RERG: variants seen among roughly 807,000 people sequenced by gnomAD.
The protein encoded by RERG is RAS like estrogen regulated growth inhibitor, also known as ras-related and estrogen-regulated growth inhibitor.
In RERG, 25 loss-of-function variants were observed where a neutral mutation model predicts 23.2. That is an observed-to-expected ratio of 1.08 (90% CI 0.79 to 1.50). The LOEUF (loss-of-function observed/expected upper bound fraction) is 1.50. Among genes scored for constraint, RERG ranks in the 40% most tolerant of loss-of-function variants. RERG has a pLI of 0.00. For missense variants in RERG, 253 were observed against 250.1 expected, an observed-to-expected ratio of 1.01 and a Z score of -0.08; for synonymous variants, 81 against 89.1, an observed-to-expected ratio of 0.91 and a Z score of 0.51.
rs34755371 is a variant in RERG at position 15,139,014 on chromosome 12, C to CTTTTT, written c.62-17900_62-17896dup. Reference sequence around the variant, plus strand: ...TGAAAGTTGTTCACCTGTGTCTAGACTTTTTTTTTTTTTTTTTTTTTTGCC... The same window carrying CTTTTT: ...TGAAAGTTGTTCACCTGTGTCTAGACTTTTTTTTTTTTTTTTTTTTTTTTTTTGCC... On this transcript the variant is annotated intron_variant, in intron 2 of 4. Coordinates refer to ENST00000256953, the MANE Select transcript of RERG (RefSeq NM_032918.3). Among the ~76,000 whole-genome samples the CTTTTT allele has an allele frequency of 1.4e-3, 73 of 51,114 alleles. 1 individual carries two copies. The highest frequency in any genetic ancestry group is 1.6e-3 in the African/African-American group (22 of 13,846). 33.5% of individuals were successfully genotyped at this position (51,114 alleles called of 152,430 possible). A position where few individuals can be genotyped will look rare whatever the true frequency, so the allele number is the denominator to read the frequency against.
At position 15,111,348 on chromosome 12, in the gene RERG, C is replaced by A; in HGVS notation, c.188G>T (p.Gly63Val). Residue 63 changes from glycine (G) to valine (V), a missense_variant, in exon 4 of 5, where the codon GGT becomes GTT. Physicochemically the swap from Gly to Val is moderately radical, Grantham distance 109 (BLOSUM62 -3). Transcript: ENST00000256953. ...VVSMEILDTA[G>V]QEDTIQREGH... ...TTAGCTGAACTCTTTATTCACCTGA[C>A]CAGCAGTGTCTAGTATCTCCATGGA... 1 of 1,608,418 alleles carries A rather than the reference C, an allele frequency of 6.2e-7. No individual in the cohort carries two copies. Among genetic ancestry groups the A allele is most frequent in the Non-Finnish European group, 8.5e-7 (1 of 1,175,612 alleles).
chr12:15,121,661 G>A (rs1863834553), intron 2 of RERG, among the ~76,000 whole-genome samples: 1 of 152,188 alleles, frequency 6.6e-6, no homozygotes, highest in South Asian at 2.1e-4. Flanking sequence ...TCAGAGTCAG[G>A]TTCTGGAACG....
rs1329854565 is a variant in RERG, at chr12:15,181,568, T to G, written c.61+35861A>C. Among the ~76,000 whole-genome samples, 5 of 152,154 alleles carry G rather than the reference T, an allele frequency of 3.3e-5. No individual in the cohort carries two copies. The East Asian group carries it at 9.6e-4, about 29-fold the overall frequency. Reference sequence around the variant, plus strand: ...ATGCTTAACCTCCCTCTCCTCCATTTCTCCGTCTGTAAGTGGGGATAATGT... The same window carrying G: ...ATGCTTAACCTCCCTCTCCTCCATTGCTCCGTCTGTAAGTGGGGATAATGT... On this transcript the variant is annotated intron_variant, in intron 2 of 4. Coordinates refer to ENST00000256953, the MANE Select transcript of RERG (RefSeq NM_032918.3).
intron 2 of RERG, among the ~76,000 whole-genome samples, chr12:15,162,279 C>T (rs531895154): frequency 2.2e-3 from 328 of 152,288 alleles, no homozygotes; most frequent in African/African-American, 7.4e-3. Flanking sequence ...TGGCCAAGGA[C>T]TGCCTCCAGG....
chr12:15,207,027 C>A (rs1242565746), intron 2 of RERG, among the ~76,000 whole-genome samples: 1 of 152,122 alleles, frequency 6.6e-6, no homozygotes, highest in Non-Finnish European at 1.5e-5. Flanking sequence ...TTACTGACCA[C>A]AGAAGTAATG....
At chr12:15,186,024 T>C (rs1210320415) in intron 2 of RERG, among the ~76,000 whole-genome samples, 6 of 151,978 alleles carry the variant, frequency 3.9e-5, no homozygotes, top group African/African-American at 1.4e-4. Flanking sequence ...GACAATATTT[T>C]AGAAAAATAT....
chr12:15,111,253 G>C, intron 4 of RERG, 91 bp downstream of exon 4: 2 of 927,176 alleles, frequency 2.2e-6, no homozygotes, highest in Non-Finnish European at 3.4e-6. Context: ...GCAAAAGTTA[G>C]TTGAAGAAAA....
intron 2 of RERG, among the ~76,000 whole-genome samples, chr12:15,212,640 G>A (rs536667352): frequency 6.6e-6 from 1 of 152,218 alleles, no homozygotes; most frequent in African/African-American, 2.4e-5. Flanking sequence ...GGAAAAATTG[G>A]TATATAGCTA....
At chr12:15,219,701 T>C (rs931495117) in intron 1 of RERG, among the ~76,000 whole-genome samples, 5 of 152,234 alleles carry the variant, frequency 3.3e-5, no homozygotes, top group Non-Finnish European at 7.3e-5. Flanking sequence ...CTTTGAAACA[T>C]TGAACACGCA....
intron 3 of RERG, among the ~76,000 whole-genome samples, chr12:15,112,962 A>T (rs532809632): frequency 6.6e-6 from 1 of 152,336 alleles, no homozygotes; most frequent in Admixed American, 6.5e-5. Flanking sequence ...ATGAGGAAGA[A>T]GTCTAAAGGG....
chr12:15,111,298 G>A (rs894191341), intron 4 of RERG, 46 bp downstream of exon 4: 5 of 1,474,850 alleles, frequency 3.4e-6, no homozygotes. Flanking sequence ...AGATTTCTCA[G>A]TTTTATTTGA....
chr12:15,121,165 G>T (rs769303617), intron 2 of RERG, 46 bp from the exon 3 acceptor site: 1 of 1,447,370 alleles, frequency 6.9e-7, no homozygotes. Context: ...TTGTTAATTT[G>T]CTTAGCACAC....
intron 2 of RERG, among the ~76,000 whole-genome samples, chr12:15,160,771 G>C (rs926436075): frequency 6.6e-6 from 1 of 152,128 alleles, no homozygotes; most frequent in African/African-American, 2.4e-5. Context: ...GGAGATGTAA[G>C]AATTGAATTG....
chr12:15,136,606 T>C (rs1295841171), intron 2 of RERG, among the ~76,000 whole-genome samples: 2 of 152,044 alleles, frequency 1.3e-5, no homozygotes, highest in Non-Finnish European at 2.9e-5. Context: ...ATTTTTACTT[T>C]CATTTAGTTC....
Position 15,187,310 on chromosome 12 carries a change from C to G in RERG, c.61+30119G>C, listed in dbSNP as rs990777292. 3.1e-4 allele frequency among the ~76,000 whole-genome samples: 47 copies of G among 152,074 alleles called. 1 individual carries two copies. Among genetic ancestry groups the G allele is most frequent in the African/African-American group, 1.1e-3 (46 of 41,422 alleles). ...AATGTGCCCAAGAGTAAATGCAGTA[C>G]TTAGCACATCCAAAGTCTAACTATA... On this transcript the variant is annotated intron_variant, in intron 2 of 4. Coordinates refer to ENST00000256953, the MANE Select transcript of RERG (RefSeq NM_032918.3).
intron 2 of RERG, among the ~76,000 whole-genome samples, chr12:15,175,236 C>T (rs545765262): frequency 2.0e-5 from 3 of 150,948 alleles, no homozygotes; most frequent in East Asian, 3.9e-4. Flanking sequence ...TGTGTAACCA[C>T]GGTTCTGTTC....
At chr12:15,171,350 T>C (rs1037305997) in intron 2 of RERG, among the ~76,000 whole-genome samples, 5 of 152,224 alleles carry the variant, frequency 3.3e-5, no homozygotes, top group Non-Finnish European at 5.9e-5. Flanking sequence ...GAATGACTAA[T>C]TGAATAAATG....
chr12:15,205,343 G>A (rs1198048056), intron 2 of RERG, among the ~76,000 whole-genome samples: 3 of 151,978 alleles, frequency 2.0e-5, no homozygotes, highest in East Asian at 3.8e-4. Flanking sequence ...TTTGTAAACC[G>A]ATAAGTGGGA....
chr12:15,175,384 T>C (rs1002489456), intron 2 of RERG, among the ~76,000 whole-genome samples: 51 of 138,376 alleles, frequency 3.7e-4, no homozygotes, highest in African/African-American at 1.2e-3. Flanking sequence ...TGTGTGTGTG[T>C]GTGTTGGGGC....
Sources: allele counts gnomAD v4.1 joint callset (sites outside exome capture counted in the v4.1 genomes callset), GRCh38; gene constraint gnomAD v4.1.1; transcripts MANE v1.5; gene names NCBI Gene and HGNC (gene_info 2026-07-23, HGNC 2026-07-21).